Variants in NRXN3 observed in about 807,000 individuals in gnomAD.
NRXN3 encodes the protein neurexin III.
Under a neutral mutation model 137.6 loss-of-function variants are expected in NRXN3, and 32 were observed. That is an observed-to-expected ratio of 0.23 (90% CI 0.18 to 0.31). NRXN3 has a LOEUF of 0.31. Ranked by LOEUF, NRXN3 falls within the 10% of genes least tolerant of loss-of-function variation. NRXN3 has a pLI of 1.00. For missense variants in NRXN3, 1,574 were observed against 2,062.5 expected (o/e 0.76, Z 4.59); for synonymous variants, 798 against 784.5 (o/e 1.02, Z -0.29).
In NRXN3 at chr14:78,732,898, G is replaced by A. The variant is rs187903943; in HGVS notation, c.2044+17759G>A. Among the ~76,000 whole-genome samples the A allele has an allele frequency of 4.3e-4, 66 of 152,258 alleles. 1 individual carries two copies. In the East Asian group the frequency reaches 0.011, roughly 25 times the overall value. On this transcript the variant is annotated intron_variant, in intron 8 of 20. Coordinates refer to ENST00000335750, the MANE Select transcript of NRXN3 (RefSeq NM_001330195.2). Reference sequence around the variant, plus strand: ...GGATTCTCTAGGAGCAGTAAGGAATGAATTTAGTTTTTTGCTTTTTGGAAA... The same window carrying A: ...GGATTCTCTAGGAGCAGTAAGGAATAAATTTAGTTTTTTGCTTTTTGGAAA...
chr14:79,768,064 C>A (rs563286299), intron 19 of NRXN3, among the ~76,000 whole-genome samples: 1 of 152,168 alleles, frequency 6.6e-6, no homozygotes. Context: ...GCTTTTCCGA[C>A]GGGCTTAAAA....
At chr14:78,318,100 C>T (rs1299672938) in intron 4 of NRXN3, among the ~76,000 whole-genome samples, 1 of 152,130 alleles carries the variant, frequency 6.6e-6, no homozygotes, top group East Asian at 1.9e-4. Flanking sequence ...GTATATTTTT[C>T]ATCCTTACTA....
In NRXN3 at chr14:79,344,966, A is replaced by C. The variant is rs142327255; in HGVS notation, c.3263-122255A>C. Among the ~76,000 whole-genome samples the C allele has an allele frequency of 4.8e-3, 733 of 152,336 alleles. 8 individuals are homozygous for C. Among genetic ancestry groups the C allele is most frequent in the South Asian group, 0.037 (178 of 4,830 alleles). On this transcript the variant is annotated intron_variant, in intron 15 of 20. Transcript: ENST00000335750. The stretch of plus-strand genomic sequence containing the variant: ...GGAGTGAACTATGTGATTATATCTT[A>C]TTCTGAATATCAACTGTAAGAAGCA...
At chr14:79,503,994 A>G (rs1196972306) in intron 16 of NRXN3, among the ~76,000 whole-genome samples, 1 of 152,228 alleles carries the variant, frequency 6.6e-6, no homozygotes, top group African/African-American at 2.4e-5. Flanking sequence ...CATAGCTACC[A>G]GTCTAACCTG....
At chr14:78,311,624 G>A (rs571867278) in intron 4 of NRXN3, among the ~76,000 whole-genome samples, 65 of 152,132 alleles carry the variant, frequency 4.3e-4, no homozygotes, top group Non-Finnish European at 7.2e-4. Context: ...CTCTTCCAAT[G>A]TGGCCAAGGG....
At position 79,049,054 on chromosome 14, in the gene NRXN3, AAAAAAAAAAAAAAAAAAAAATAAT is replaced by A. The variant is rs1568111540; in HGVS notation, c.3262+60916_3262+60939del. Among the ~76,000 whole-genome samples the A allele has an allele frequency of 4.2e-4, 24 of 56,632 alleles. 1 individual carries two copies. Among genetic ancestry groups the A allele is most frequent in the East Asian group, 3.2e-3 (7 of 2,212 alleles). The allele number at this position is 56,632 out of a possible 152,430, so 37.2% of individuals were successfully genotyped here. A position where few individuals can be genotyped will look rare whatever the true frequency, so the allele number is the denominator to read the frequency against. On this transcript the variant is annotated intron_variant, in intron 15 of 20. Transcript: ENST00000335750. The stretch of plus-strand genomic sequence containing the variant: ...AAAAAAAAAAAAAAAAAAAAAAAAA[AAAAAAAAAAAAAAAAAAAAATAAT>A]AATAATAATAATAATAATATGATGG...
intron 4 of NRXN3, among the ~76,000 whole-genome samples, chr14:78,573,856 A>G (rs1390295706): frequency 6.6e-6 from 1 of 152,224 alleles, no homozygotes; most frequent in Non-Finnish European, 1.5e-5. Flanking sequence ...GTTAATCACC[A>G]AGACAGTGGG....
chr14:78,656,883 A>G (rs2097788621), intron 6 of NRXN3, among the ~76,000 whole-genome samples: 2 of 151,900 alleles, frequency 1.3e-5, no homozygotes, highest in African/African-American at 4.8e-5. Flanking sequence ...CTCTACTAAA[A>G]ATACAAAATC....
intron 1 of NRXN3, among the ~76,000 whole-genome samples, chr14:78,179,087 C>T (rs2153346787): frequency 6.6e-6 from 1 of 152,254 alleles, no homozygotes; most frequent in Admixed American, 6.5e-5. Context: ...TCATGCACAG[C>T]CTCACTGGTG....
chr14:79,132,406 A>G (rs1043093530), intron 15 of NRXN3, among the ~76,000 whole-genome samples: 2 of 152,270 alleles, frequency 1.3e-5, no homozygotes, highest in South Asian at 2.1e-4. Context: ...TGAAGACTTC[A>G]TATGGGAAAT....
Position 79,358,607 on chromosome 14 carries a change from G to GAGAAGGAA in NRXN3, c.3263-108610_3263-108609insGGAAAGAA, listed in dbSNP as rs796107012. Among the ~76,000 whole-genome samples the GAGAAGGAA allele has an allele frequency of 2.2e-3, 172 of 79,988 alleles. 2 individuals are homozygous for GAGAAGGAA. The highest frequency in any genetic ancestry group is 3.5e-3 in the Non-Finnish European group (139 of 39,158). The allele number at this position is 79,988 out of a possible 152,430, so 52.5% of individuals were successfully genotyped here. A position where few individuals can be genotyped will look rare whatever the true frequency, so the allele number is the denominator to read the frequency against. On this transcript the variant is annotated intron_variant, in intron 15 of 20. Transcript: ENST00000335750. ...AGAGAGAAAGAAAGAAAGAAAGAAA[G>GAGAAGGAA]AGAAAGAAAGAAAGAAAGAAAGAAA...
rs1030628820 is a variant in NRXN3, at chr14:78,394,136, A to G, written c.757+96276A>G. Among the ~76,000 whole-genome samples the G allele has an allele frequency of 3.3e-5, 5 of 151,982 alleles. No homozygotes were observed. The East Asian group carries it at 7.7e-4, about 23-fold the overall frequency. On this transcript the variant is annotated intron_variant, in intron 4 of 20. Coordinates refer to ENST00000335750, the MANE Select transcript of NRXN3 (RefSeq NM_001330195.2). ...GCTAGAACTTCCAGCACTGTGTTGA[A>G]TAAAAACAGTGTGAGCAGACATTCT...
At chr14:79,117,321 A>G (rs988526245) in intron 15 of NRXN3, among the ~76,000 whole-genome samples, 1 of 152,244 alleles carries the variant, frequency 6.6e-6, no homozygotes, top group African/African-American at 2.4e-5. Flanking sequence ...AAGGACTCAG[A>G]TGGAAATAAG....
chr14:79,075,159 T>G (rs2045760449), intron 15 of NRXN3, among the ~76,000 whole-genome samples: 1 of 152,202 alleles, frequency 6.6e-6, no homozygotes, highest in South Asian at 2.1e-4. Context: ...TTTATGCATT[T>G]GATTTTTGCT....
chr14:78,697,470 A>G (rs1235684998), intron 6 of NRXN3, among the ~76,000 whole-genome samples: 7 of 152,042 alleles, frequency 4.6e-5, no homozygotes, highest in Non-Finnish European at 7.4e-5. Context: ...CCCAAGATCA[A>G]AGGCTTAGAA....
At chr14:78,707,755 C>A (rs1355349267) in intron 6 of NRXN3, among the ~76,000 whole-genome samples, 1 of 152,264 alleles carries the variant, frequency 6.6e-6, no homozygotes, top group Middle Eastern at 3.4e-3. Flanking sequence ...ATTCTTATGC[C>A]TTTGCGTCTT....
At chr14:79,776,215 C>G (rs933891349) in intron 19 of NRXN3, among the ~76,000 whole-genome samples, 1 of 152,164 alleles carries the variant, frequency 6.6e-6, no homozygotes, top group African/African-American at 2.4e-5. Context: ...ATTTATCAAT[C>G]ATTTTGTGGT....
At chr14:79,635,206 T>C (rs2098394683) in intron 16 of NRXN3, among the ~76,000 whole-genome samples, 1 of 152,186 alleles carries the variant, frequency 6.6e-6, no homozygotes, top group Admixed American at 6.6e-5. Context: ...ACAATGATTA[T>C]GTGTCAATTA....
At chr14:78,825,192 G>A (rs1434928435) in intron 10 of NRXN3, among the ~76,000 whole-genome samples, 12 of 62,080 alleles carry the variant, frequency 1.9e-4, no homozygotes, top group Non-Finnish European at 2.0e-4. Flanking sequence ...GCGAGACTCT[G>A]CCTCAAAAAA....
Sources: allele counts gnomAD v4.1 joint callset (sites outside exome capture counted in the v4.1 genomes callset), GRCh38; gene constraint gnomAD v4.1.1; transcripts MANE v1.5; gene names NCBI Gene and HGNC (gene_info 2026-07-23, HGNC 2026-07-21).